DCAF4: variants seen among roughly 807,000 people sequenced by gnomAD.
DCAF4 encodes DDB1- and CUL4-associated factor 4.
Under a neutral mutation model 60.9 loss-of-function variants are expected in DCAF4, and 37 were observed. The ratio of observed to expected loss-of-function variants is 0.61; its 90% confidence interval spans 0.47 to 0.80. DCAF4 has a LOEUF of 0.80. Ranked by LOEUF, DCAF4 falls within the 30% of genes least tolerant of loss-of-function variation. The probability of loss-of-function intolerance (pLI) is 0.00; values close to 1 mark genes in which losing one functional copy is unlikely to be tolerated. For synonymous variants in DCAF4, 243 were observed against 254.8 expected, an observed-to-expected ratio of 0.95 and a Z score of 0.44; for missense variants, 577 against 650.0, an observed-to-expected ratio of 0.89 and a Z score of 1.22.
In DCAF4 at chr14:72,959,107, T is replaced by C. The variant is rs1234229063; in HGVS notation, c.*302T>C. 1.9e-6 allele frequency: 2 copies of C among 1,066,102 alleles called. No homozygotes were observed. The highest frequency in any genetic ancestry group is 2.3e-6 in the Non-Finnish European group (2 of 881,830). The allele number at this position is 1,066,102 out of a possible 1,614,324, so 66.0% of individuals were successfully genotyped here. On this transcript the variant is annotated 3_prime_UTR_variant, in exon 14 of 14. Coordinates refer to ENST00000358377, the MANE Select transcript of DCAF4 (RefSeq NM_015604.4). ...CTTTTCTTAACAAAAAGGACTTTTC[T>C]AAGGACTGAAGATTGGCAAAAACGA...
intron 4 of DCAF4, 62 bp from the exon 5 acceptor site, chr14:72,941,683 C>G (rs1890065254): frequency 6.7e-7 from 1 of 1,499,884 alleles, no homozygotes; most frequent in East Asian, 2.3e-5. Context: ...TAAAAACATT[C>G]TCCATCATCC....
chr14:72,946,161 T>A, intron 7 of DCAF4, 134 bp downstream of exon 7: 4 of 1,173,204 alleles, frequency 3.4e-6, no homozygotes, highest in Non-Finnish European at 4.8e-6. Flanking sequence ...CTTGATTTTT[T>A]ACTTGAGCCT....
chr14:72,953,762 T>G (rs887090748), intron 9 of DCAF4, among the ~76,000 whole-genome samples: 1 of 47,450 alleles, frequency 2.1e-5, no homozygotes, highest in Non-Finnish European at 4.6e-5. Flanking sequence ...TATATATATA[T>G]AGTTTATTTA....
At chr14:72,950,319 G>A (rs1891249453) in intron 8 of DCAF4, among the ~76,000 whole-genome samples, 1 of 152,172 alleles carries the variant, frequency 6.6e-6, no homozygotes, top group African/African-American at 2.4e-5. Context: ...TCTAGCCCGG[G>A]CATCTTGTGA....
At chr14:72,938,418 T>C (rs1033234502) in intron 2 of DCAF4, among the ~76,000 whole-genome samples, 1 of 152,252 alleles carries the variant, frequency 6.6e-6, no homozygotes, top group African/African-American at 2.4e-5. Flanking sequence ...AGACTTTTTA[T>C]GCAAATACCT....
At chr14:72,958,466 G>A (rs1436721142) in intron 13 of DCAF4, 146 bp from the exon 14 acceptor site, 30 of 954,210 alleles carry the variant, frequency 3.1e-5, no homozygotes, top group Middle Eastern at 2.9e-4. Flanking sequence ...TGGGTTATCC[G>A]TAGAAATACT....
intron 1 of DCAF4, among the ~76,000 whole-genome samples, chr14:72,928,456 A>G (rs1887986084): frequency 6.6e-6 from 1 of 150,882 alleles, no homozygotes; most frequent in Admixed American, 6.6e-5. Flanking sequence ...CGGCCTCCCA[A>G]AGTGCTGGGA....
rs534386862 is a variant in DCAF4, at chr14:72,949,134, C to T, written c.728+1943C>T. Among the ~76,000 whole-genome samples, 7 of 152,288 alleles carry T rather than the reference C, an allele frequency of 4.6e-5. No homozygotes were observed. In the South Asian group the frequency reaches 8.3e-4, roughly 18 times the overall value. The stretch of plus-strand genomic sequence containing the variant: ...TACCCAGAGCGGTATGTCACATACA[C>T]ATCACATACTCAGATAGTCAAGAAT... On this transcript the variant is annotated intron_variant, in intron 8 of 13. Coordinates refer to ENST00000358377, the MANE Select transcript of DCAF4 (RefSeq NM_015604.4).
chr14:72,942,474 G>A (rs1890171319), intron 5 of DCAF4: 1 of 155,990 alleles, frequency 6.4e-6, no homozygotes, highest in South Asian at 2.0e-4. Context: ...CCTTGGAGCA[G>A]GGCCCCTTCA....
chr14:72,960,619 G>A, downstream of DCAF4: 2 of 1,059,530 alleles, frequency 1.9e-6, no homozygotes, highest in Non-Finnish European at 2.3e-6. Context: ...CACAGGAAGG[G>A]ATGGCTGGAT....
intron 5 of DCAF4, 54 bp downstream of exon 5, chr14:72,941,878 C>A (rs1594760216): frequency 2.2e-5 from 34 of 1,580,872 alleles, no homozygotes; most frequent in Non-Finnish European, 2.9e-5. Context: ...TTTCCTGTTT[C>A]TTATTTTCAT....
chr14:72,940,220 A>G lies in DCAF4; in HGVS notation c.194A>G (p.Glu65Gly). The G allele has an allele frequency of 6.2e-7, 1 of 1,613,908 alleles. No homozygotes were observed. The highest frequency in any genetic ancestry group is 8.5e-7 in the Non-Finnish European group (1 of 1,179,946). Residue 65 changes from glutamate to glycine, a missense_variant and splice_region_variant, in exon 4 of 14, where the codon GAG becomes GGG. Transcript: ENST00000358377. ...SGTAGTSSVPELPGFYFDPEK... is the reference protein window; with the variant it reads ...SGTAGTSSVPGLPGFYFDPEK... ...GTGCATTTAATTTTTTTGTCTAAAGAGCTACCTGGGTTTTACTTTGACCCT... is the reference window on the plus strand; with the variant it reads ...GTGCATTTAATTTTTTTGTCTAAAGGGCTACCTGGGTTTTACTTTGACCCT...
Position 72,950,856 on chromosome 14 carries a change from T to C in DCAF4, c.729-942T>C, listed in dbSNP as rs1196509769. Among the ~76,000 whole-genome samples the C allele has an allele frequency of 3.9e-5, 6 of 152,140 alleles. No homozygotes were observed. In the East Asian group the frequency reaches 9.6e-4, roughly 24 times the overall value. ...GCTTTGTGTTATTTATTGACAAATA[T>C]ATGTAGTGGAAATACAGCATGGCTT... On this transcript the variant is annotated intron_variant, in intron 8 of 13. Transcript: ENST00000358377.
rs1890224669 is a variant in DCAF4 at position 72,942,823 on chromosome 14, A to G, written c.432-171A>G. The G allele has an allele frequency of 6.6e-6, 4 of 610,670 alleles. No individual in the cohort carries two copies. The South Asian group carries it at 8.0e-5, about 12-fold the overall frequency. The allele number at this position is 610,670 out of a possible 1,614,324, so 37.8% of individuals were successfully genotyped here. A position where few individuals can be genotyped will look rare whatever the true frequency, so the allele number is the denominator to read the frequency against. ...ATCTTCCTGAGCGTTCTGTGGGGAAACTCAAATTCGGATAATCTGGGATCT... is the reference window on the plus strand; with the variant it reads ...ATCTTCCTGAGCGTTCTGTGGGGAAGCTCAAATTCGGATAATCTGGGATCT... On this transcript the variant is annotated intron_variant, in intron 5 of 13. Transcript: ENST00000358377.
Position 72,937,991 on chromosome 14 carries a change from C to A in DCAF4, c.13C>A (p.Arg5Ser). 6.2e-7 allele frequency: 1 copy of A among 1,605,156 alleles called. No individual in the cohort carries two copies. Among genetic ancestry groups the A allele is most frequent in the South Asian group, 1.1e-5 (1 of 89,722 alleles). The change falls in exon 2 of 14, where the codon CGC (arginine) becomes AGC (serine). Residue 5 changes from arginine (R) to serine (S), a missense_variant. Arg to Ser is a moderately radical substitution (Grantham distance 110). Transcript: ENST00000358377. Reference sequence around the variant, plus strand: ...TTTAGGAACAGAAATGAATAAAAGTCGCTGGCAGAGTAGAAGACGACATGG... The same window carrying A: ...TTTAGGAACAGAAATGAATAAAAGTAGCTGGCAGAGTAGAAGACGACATGG... MNKS[R>S]WQSRRRHGRR...
intron 9 of DCAF4, among the ~76,000 whole-genome samples, chr14:72,953,376 C>T (rs1432094753): frequency 6.6e-6 from 1 of 151,928 alleles, no homozygotes; most frequent in Non-Finnish European, 1.5e-5. Flanking sequence ...GAACTGTATC[C>T]TTACAATCTG....
intron 9 of DCAF4, 28 bp downstream of exon 9, chr14:72,951,905 T>A: frequency 6.2e-7 from 1 of 1,611,586 alleles, no homozygotes; most frequent in Non-Finnish European, 8.5e-7. Context: ...TTTAAAGAAA[T>A]CTGTCCTCTG....
In DCAF4 at chr14:72,944,066, G is replaced by A. The variant is rs139025954; in HGVS notation, c.534+970G>A. Among the ~76,000 whole-genome samples, 250 of 152,282 alleles carry A rather than the reference G, an allele frequency of 1.6e-3. No individual in the cohort carries two copies. The Middle Eastern group carries it at 0.017, about 10-fold the overall frequency. On this transcript the variant is annotated intron_variant, in intron 6 of 13. Transcript: ENST00000358377. ...GGTTCCCCTCAGCAGCCCCTTCCCT[G>A]GGGTAAAGTGGGTGGGGACGGTGGG...
intron 9 of DCAF4, among the ~76,000 whole-genome samples, chr14:72,952,315 G>T (rs1012142586): frequency 2.0e-5 from 3 of 152,154 alleles, no homozygotes; most frequent in Admixed American, 1.3e-4. Flanking sequence ...AGGGTGAGAG[G>T]CCTCTTAAGA....
Sources: gnomAD v4.1 joint callset for allele counts (sites outside exome capture counted in the v4.1 genomes callset) on GRCh38, gnomAD v4.1.1 for gene constraint, MANE v1.5 for transcripts, NCBI Gene and HGNC (gene_info 2026-07-23, HGNC 2026-07-21) for gene names.